DHDDS: variants seen among roughly 807,000 people sequenced by gnomAD.
DHDDS encodes the protein dehydrodolichyl diphosphate synthase subunit.
A neutral mutation model predicts 46.2 loss-of-function variants in DHDDS; 16 were observed. That is an observed-to-expected ratio of 0.35 (90% CI 0.23 to 0.53). DHDDS has a LOEUF of 0.53. Among genes scored for constraint, DHDDS ranks in the 20% least tolerant of loss-of-function variants. DHDDS has a pLI of 0.94. For synonymous variants in DHDDS, 151 were observed against 163.1 expected, an observed-to-expected ratio of 0.93 and a Z score of 0.56; for missense variants, 340 against 423.7, an observed-to-expected ratio of 0.80 and a Z score of 1.73.
intron 3 of DHDDS, 38 bp downstream of exon 3, chr1:26,438,322 T>G: frequency 1.3e-6 from 2 of 1,576,178 alleles, no homozygotes; most frequent in Non-Finnish European, 1.7e-6. Context: ...GAACAGTCTG[T>G]GGAGAGGTAG....
chr1:26,449,889 T>A (rs535664302), intron 6 of DHDDS, among the ~76,000 whole-genome samples: 1 of 152,294 alleles, frequency 6.6e-6, no homozygotes, highest in Non-Finnish European at 1.5e-5. Context: ...TGGATAGTGG[T>A]GCCCTTCACC....
intron 6 of DHDDS, chr1:26,447,886 G>GTACT: frequency 1.6e-6 from 1 of 610,942 alleles, no homozygotes; most frequent in Non-Finnish European, 2.9e-6. Context: ...TCTGTGCCAT[G>GTACT]TACTTGGCCA....
intron 3 of DHDDS, among the ~76,000 whole-genome samples, chr1:26,439,868 C>T (rs188357557): frequency 2.0e-5 from 3 of 152,202 alleles, no homozygotes; most frequent in Admixed American, 1.3e-4. Flanking sequence ...GGGCCGGGCG[C>T]GGTGGCTTAC....
At position 26,442,907 on chromosome 1, in the gene DHDDS, C is replaced by T. The variant is rs762862807; in HGVS notation, c.323+34C>T. The T allele has an allele frequency of 1.7e-5, 28 of 1,613,322 alleles. 1 individual carries two copies. In the East Asian group the frequency reaches 4.7e-4, roughly 27 times the overall value. Reference sequence around the variant, plus strand: ...CTATCAGAGGGGAGAGCATGTTCTTCCACCACCCCCAGCCTTATCCTAACC... The same window carrying T: ...CTATCAGAGGGGAGAGCATGTTCTTTCACCACCCCCAGCCTTATCCTAACC... On this transcript the variant is annotated intron_variant, in intron 4 of 8. Coordinates refer to ENST00000236342, the MANE Select transcript of DHDDS (RefSeq NM_205861.3).
intron 6 of DHDDS, among the ~76,000 whole-genome samples, chr1:26,451,679 A>C (rs966413774): frequency 7.0e-6 from 1 of 142,868 alleles, no homozygotes; most frequent in African/African-American, 2.7e-5. Flanking sequence ...CCCAGGCTGG[A>C]GTGCAGTGGC....
At chr1:26,454,822 T>A in intron 6 of DHDDS, 1 of 1,581,338 alleles carries the variant, frequency 6.3e-7, no homozygotes, top group South Asian at 1.1e-5. Flanking sequence ...ACATCTTAGG[T>A]GCTTTGTTCA....
chr1:26,456,966 A>G (rs2075375310), intron 6 of DHDDS, among the ~76,000 whole-genome samples: 1 of 152,236 alleles, frequency 6.6e-6, no homozygotes, highest in South Asian at 2.1e-4. Context: ...CTTTATTTTT[A>G]GAATGCAGTT....
intron 3 of DHDDS, among the ~76,000 whole-genome samples, chr1:26,442,024 G>T (rs1223480702): frequency 2.6e-5 from 4 of 151,508 alleles, no homozygotes; most frequent in Admixed American, 2.6e-4. Context: ...TCTGATTTCT[G>T]TAACTATAAA....
At chr1:26,467,233 T>C (rs982803060) in intron 8 of DHDDS, 2 of 438,388 alleles carry the variant, frequency 4.6e-6, no homozygotes, top group Non-Finnish European at 4.8e-6. Flanking sequence ...TGTAAGCACC[T>C]GGATTGCTGG....
chr1:26,438,071 C>T (rs2124373322), intron 2 of DHDDS, 97 bp from the exon 3 acceptor site: 1 of 1,312,400 alleles, frequency 7.6e-7, no homozygotes, highest in Non-Finnish European at 1.1e-6. Context: ...TCAGGGTTTT[C>T]ATCACATAGC....
chr1:26,433,954 G>A (rs976175000), intron 2 of DHDDS, among the ~76,000 whole-genome samples: 3 of 152,016 alleles, frequency 2.0e-5, no homozygotes, highest in Non-Finnish European at 4.4e-5. Flanking sequence ...GGCTGGTCTC[G>A]AACTCCTGAC....
intron 8 of DHDDS, among the ~76,000 whole-genome samples, chr1:26,466,505 G>T (rs1310236967): frequency 6.6e-6 from 1 of 152,220 alleles, no homozygotes; most frequent in Non-Finnish European, 1.5e-5. Flanking sequence ...AGCCATCTCA[G>T]CCTCGCTGTC....
intron 6 of DHDDS, among the ~76,000 whole-genome samples, chr1:26,453,999 G>A (rs2075346017): frequency 6.6e-6 from 1 of 151,822 alleles, no homozygotes; most frequent in African/African-American, 2.4e-5. Flanking sequence ...TGTCACCCAG[G>A]CTGGAGTGCA....
At chr1:26,468,808 T>TGGCCCCCCCA in intron 8 of DHDDS, 87 bp from the exon 9 acceptor site, 7 of 370,926 alleles carry the variant, frequency 1.9e-5, no homozygotes, top group East Asian at 6.1e-5. Flanking sequence ...TGGCCCACCC[T>TGGCCCCCCCA]GTGCCCCACC....
intron 8 of DHDDS, among the ~76,000 whole-genome samples, chr1:26,463,813 CTTGT>C (rs894112872): frequency 6.6e-6 from 1 of 151,662 alleles, no homozygotes; most frequent in African/African-American, 2.4e-5. Context: ...GCCTGAAACT[CTTGT>C]TTCTTGTAGG....
intron 6 of DHDDS, among the ~76,000 whole-genome samples, chr1:26,449,042 GTCACATAGT>G (rs1231481873): frequency 6.6e-6 from 1 of 152,000 alleles, no homozygotes; most frequent in African/African-American, 2.4e-5. Context: ...ACATTTCTCT[GTCACATAGT>G]TCATTCATTC....
rs774865740 is a variant in DHDDS, at chr1:26,447,676, T to C, written c.542+16T>C. 38 of 1,609,178 alleles carry C rather than the reference T, an allele frequency of 2.4e-5. 1 individual carries two copies. In the Admixed American group the frequency reaches 5.3e-4, roughly 23 times the overall value. Reference sequence around the variant, plus strand: ...TGGATCCCAGGTATCCCGAGTTGTTTTGCATGGTAATTGTTAAGGAAAACA... The same window carrying C: ...TGGATCCCAGGTATCCCGAGTTGTTCTGCATGGTAATTGTTAAGGAAAACA... On this transcript the variant is annotated intron_variant, in intron 6 of 8. Coordinates refer to ENST00000236342, the MANE Select transcript of DHDDS (RefSeq NM_205861.3).
rs962257420 is a variant in DHDDS, at chr1:26,455,186, A to G, written c.543-2605A>G. 8.0e-6 allele frequency: 6 copies of G among 752,144 alleles called. No homozygotes were observed. In the African/African-American group the frequency reaches 8.5e-5, roughly 11 times the overall value. 46.6% of individuals were successfully genotyped at this position (752,144 alleles called of 1,614,324 possible). A position where few individuals can be genotyped will look rare whatever the true frequency, so the allele number is the denominator to read the frequency against. On this transcript the variant is annotated intron_variant, in intron 6 of 8. Transcript: ENST00000236342. ...CTCCGGGTTAAGTGAATAGTGAACC[A>G]TTTTCACAGATTACCTCAGGCCGCT...
intron 1 of DHDDS, 49 bp from the exon 2 acceptor site, chr1:26,432,842 C>A: frequency 8.1e-7 from 1 of 1,228,920 alleles, no homozygotes; most frequent in Non-Finnish European, 1.2e-6. Flanking sequence ...TCAGTTATAG[C>A]TCTTCGCAAA....
Sources: gnomAD v4.1 joint callset for allele counts (sites outside exome capture counted in the v4.1 genomes callset) on GRCh38, gnomAD v4.1.1 for gene constraint, MANE v1.5 for transcripts, NCBI Gene and HGNC (gene_info 2026-07-23, HGNC 2026-07-21) for gene names.